Variants in ARID2 observed in about 807,000 individuals in gnomAD.
ARID2 encodes AT-rich interactive domain-containing protein 2.
Under a neutral mutation model 184.6 loss-of-function variants are expected in ARID2, and 32 were observed. The ratio of observed to expected loss-of-function variants is 0.17; its 90% CI spans 0.13 to 0.23. The LOEUF is 0.23. ARID2 is among the 10% of genes least tolerant of loss of function. The pLI is 1.00. For synonymous variants in ARID2, 836 were observed against 772.6 expected (o/e 1.08, Z -1.36); for missense variants, 1,696 against 2,197.6 (o/e 0.77, Z 4.56).
In ARID2 at chr12:45,852,444, C is replaced by T. The variant is rs2138178876; in HGVS notation, c.4321C>T (p.Gln1441Ter). Residue 1441 changes from glutamine to a stop codon, truncating the protein, a stop_gained, in exon 15 of 21, where the codon CAA (glutamine) becomes TAA (stop). Transcript: ENST00000334344. LOFTEE classifies it high-confidence loss of function. ...IQEASNAATQ[Q>*]FSGTDLLNGP... is the part of the protein sequence containing the mutation. ...GGAGGCTTCAAATGCGGCAACACAGCAATTTAGTGGTACTGATTTGCTTAA... is the reference window on the plus strand; with the variant it reads ...GGAGGCTTCAAATGCGGCAACACAGTAATTTAGTGGTACTGATTTGCTTAA... 6.2e-7 allele frequency: 1 copy of T among 1,614,152 alleles called. No homozygotes were observed. The highest frequency in any genetic ancestry group is 8.5e-7 in the Non-Finnish European group (1 of 1,180,004).
intron 16 of ARID2, chr12:45,882,206 C>T (rs1162646065): frequency 6.6e-6 from 1 of 152,188 alleles, no homozygotes; most frequent in Non-Finnish European, 1.5e-5. Context: ...CTTTGATGAC[C>T]TTCTTTCTTT....
chr12:45,837,760 T>C (rs1943247641), intron 10 of ARID2, 53 bp downstream of exon 10: 1 of 1,534,322 alleles, frequency 6.5e-7, no homozygotes, highest in Admixed American at 1.7e-5. Flanking sequence ...AAGTGTTTAA[T>C]ATGGTACTGT....
At chr12:45,764,441 AGTT>A (rs893556162) in intron 3 of ARID2, among the ~76,000 whole-genome samples, 4 of 152,244 alleles carry the variant, frequency 2.6e-5, no homozygotes, top group Admixed American at 2.0e-4. Flanking sequence ...ACATGCAAAC[AGTT>A]GTGTAAGAAC....
chr12:45,849,959 C>T, intron 14 of ARID2, 77 bp from the exon 15 acceptor site: 2 of 1,501,634 alleles, frequency 1.3e-6, no homozygotes, highest in Non-Finnish European at 1.8e-6. Flanking sequence ...AAACTATTTT[C>T]TCTTAAGTAA....
intron 3 of ARID2, among the ~76,000 whole-genome samples, chr12:45,778,399 A>G (rs1942028808): frequency 6.6e-6 from 1 of 152,126 alleles, no homozygotes; most frequent in South Asian, 2.1e-4. Flanking sequence ...AGGAATATAT[A>G]CATTTCGTGT....
intron 10 of ARID2, among the ~76,000 whole-genome samples, chr12:45,838,921 A>C (rs1943275344): frequency 6.7e-6 from 1 of 148,392 alleles, no homozygotes; most frequent in South Asian, 2.1e-4. Context: ...GCTGGAGTGC[A>C]GTGGCCTGAT....
At position 45,851,441 on chromosome 12, in the gene ARID2, C is replaced by T. The variant is rs372897761; in HGVS notation, c.3318C>T (p.Ala1106=). ...TCTATCAGGTGGCCAGTAACCAAGC[C>T]GCAGGTTTTGGAGTGCAGGGGCAAA... ...QVVYQVASNQ[A]AGFGVQGQTP... Residue 1106 remains alanine (A), a synonymous_variant, in exon 15 of 21, where the codon GCC becomes GCT. Coordinates refer to ENST00000334344, the MANE Select transcript of ARID2 (RefSeq NM_152641.4). 2.1e-5 allele frequency: 34 copies of T among 1,613,978 alleles called. No individual in the cohort carries two copies. Among genetic ancestry groups the T allele is most frequent in the East Asian group, 2.2e-5 (1 of 44,886 alleles).
chr12:45,763,729 G>A lies in ARID2; in HGVS notation c.284+32415G>A, dbSNP rs140703381. Among the ~76,000 whole-genome samples the A allele has an allele frequency of 1.3e-3, 194 of 152,148 alleles. 2 individuals are homozygous for A. In the East Asian group the frequency reaches 0.025, roughly 19 times the overall value. ...TAGTTTTCAGCTCCTGGCCTCAAGC[G>A]ATGCCGCCACCTTGGCCTCCCAAAA... On this transcript the variant is annotated intron_variant, in intron 3 of 20. Transcript: ENST00000334344.
rs559513656 is a variant in ARID2, at chr12:45,731,951, A to C, written c.284+637A>C. 2.6e-5 allele frequency among the ~76,000 whole-genome samples: 4 copies of C among 152,142 alleles called. No homozygotes were observed. The East Asian group carries it at 7.7e-4, about 29-fold the overall frequency. ...AAATGGGGATACTATGAAATGGGATACTATAATCTGGATTTTCTTTCATTC... is the reference window on the plus strand; with the variant it reads ...AAATGGGGATACTATGAAATGGGATCCTATAATCTGGATTTTCTTTCATTC... On this transcript the variant is annotated intron_variant, in intron 3 of 20. Transcript: ENST00000334344.
chr12:45,816,046 A>G (rs1942798646), intron 4 of ARID2, among the ~76,000 whole-genome samples: 1 of 152,182 alleles, frequency 6.6e-6, no homozygotes, highest in Non-Finnish European at 1.5e-5. Context: ...TGTACTTGTG[A>G]TATTTGTCTC....
chr12:45,888,194 C>CA (rs1312278812), intron 16 of ARID2, among the ~76,000 whole-genome samples: 14,490 of 97,456 alleles, frequency 0.15, 2,454 homozygotes, highest in African/African-American at 0.42. Context: ...GACTCCGTCT[C>CA]AAAAAAAAAA....
chr12:45,778,096 C>T (rs1482290616), intron 3 of ARID2, among the ~76,000 whole-genome samples: 1 of 152,012 alleles, frequency 6.6e-6, no homozygotes, highest in Non-Finnish European at 1.5e-5. Flanking sequence ...ATCTCAGCTT[C>T]TCAGGGGGGC....
At chr12:45,774,111 A>AGATTATT (rs1481969620) in intron 3 of ARID2, among the ~76,000 whole-genome samples, 13 of 152,208 alleles carry the variant, frequency 8.5e-5, no homozygotes, top group African/African-American at 3.1e-4. Context: ...TTTTGAAGGC[A>AGATTATT]GATTATTGAT....
chr12:45,749,730 T>A (rs775370714), intron 3 of ARID2, among the ~76,000 whole-genome samples: 6 of 152,244 alleles, frequency 3.9e-5, no homozygotes, highest in Non-Finnish European at 8.8e-5. Context: ...CTGCTTCACC[T>A]TGCACTTTTA....
chr12:45,747,841 A>G lies in ARID2; in HGVS notation c.284+16527A>G, dbSNP rs567297513. On this transcript the variant is annotated intron_variant, in intron 3 of 20. Coordinates refer to ENST00000334344, the MANE Select transcript of ARID2 (RefSeq NM_152641.4). ...GTAAAATAGACACTAATGTCTCCCT[A>G]TCTGTCTTCACAAGCTACAATATGA... Among the ~76,000 whole-genome samples, 10 of 152,276 alleles carry G rather than the reference A, an allele frequency of 6.6e-5. No homozygotes were observed. The East Asian group carries it at 1.7e-3, about 26-fold the overall frequency.
At chr12:45,730,021 G>C in intron 1 of ARID2, 23 bp from the exon 2 acceptor site, 2 of 1,612,206 alleles carry the variant, frequency 1.2e-6, no homozygotes, top group Non-Finnish European at 1.7e-6. Flanking sequence ...GCTGACAAGT[G>C]CGGGGCTTTT....
intron 3 of ARID2, among the ~76,000 whole-genome samples, chr12:45,743,744 T>C (rs2137982681): frequency 6.6e-6 from 1 of 152,328 alleles, no homozygotes; most frequent in African/African-American, 2.4e-5. Context: ...AGTTGACCTA[T>C]CAAAGAGCAA....
chr12:45,796,302 C>G (rs1432932070), intron 3 of ARID2, among the ~76,000 whole-genome samples: 1 of 151,686 alleles, frequency 6.6e-6, no homozygotes. Flanking sequence ...ATTAAGTATT[C>G]TTTTACACCA....
intron 6 of ARID2, among the ~76,000 whole-genome samples, chr12:45,821,795 G>A (rs1942902151): frequency 6.6e-6 from 1 of 152,130 alleles, no homozygotes; most frequent in Non-Finnish European, 1.5e-5. Flanking sequence ...TCGTTTTTAT[G>A]TGTGTTCTGA....
Sources: gnomAD v4.1 joint callset for allele counts (sites outside exome capture counted in the v4.1 genomes callset) on GRCh38, gnomAD v4.1.1 for gene constraint, MANE v1.5 for transcripts, NCBI Gene and HGNC (gene_info 2026-07-23, HGNC 2026-07-21) for gene names.